Variants in TNS3 observed in about 807,000 individuals in gnomAD.
The protein encoded by TNS3 is tensin 3, also known as tensin-3.
Under a neutral mutation model 140.9 loss-of-function variants are expected in TNS3, and 45 were observed. The ratio of observed to expected loss-of-function variants is 0.32; its 90% CI spans 0.25 to 0.41. The LOEUF is 0.41. TNS3 is among the 10% of genes least tolerant of loss of function. The pLI is 1.00. For missense variants in TNS3, 1,716 were observed against 1,906.7 expected, an observed-to-expected ratio of 0.90 and a Z score of 1.86; for synonymous variants, 815 against 788.4, an observed-to-expected ratio of 1.03 and a Z score of -0.56.
intron 20 of TNS3, among the ~76,000 whole-genome samples, chr7:47,340,684 T>C (rs563144856): frequency 2.6e-5 from 4 of 151,822 alleles, no homozygotes; most frequent in African/African-American, 7.2e-5. Context: ...TCCCTGGGAT[T>C]TTCTGTTTGG....
At chr7:47,445,803 C>T (rs532794827) in intron 4 of TNS3, among the ~76,000 whole-genome samples, 3 of 152,302 alleles carry the variant, frequency 2.0e-5, no homozygotes, top group African/African-American at 4.8e-5. Context: ...CTGGAACTGC[C>T]GCCAAGAGTT....
At chr7:47,292,547 G>C (rs1273539846) in intron 26 of TNS3, among the ~76,000 whole-genome samples, 1 of 152,186 alleles carries the variant, frequency 6.6e-6, no homozygotes, top group East Asian at 1.9e-4. Flanking sequence ...TTCTTTGTCT[G>C]AGGGTTTTAT....
At position 47,366,622 on chromosome 7, in the gene TNS3, AGACCTGAGTCGG is replaced by A. The variant is rs368580099; in HGVS notation, c.2281+1731_2281+1742del. 9.5e-4 allele frequency among the ~76,000 whole-genome samples: 145 copies of A among 152,174 alleles called. No homozygotes were observed. The East Asian group carries it at 0.021, about 22-fold the overall frequency. On this transcript the variant is annotated intron_variant, in intron 17 of 30. Coordinates refer to ENST00000311160, the MANE Select transcript of TNS3 (RefSeq NM_022748.12). ...TGTGCTCCTTCGCCCAGGCCACCCC[AGACCTGAGTCGG>A]GACTGCAGTCCTCACCTGTGTGACT... is the stretch of plus-strand genomic sequence containing the variant.
intron 20 of TNS3, among the ~76,000 whole-genome samples, chr7:47,330,886 C>T (rs1348159673): frequency 6.6e-6 from 1 of 152,188 alleles, no homozygotes; most frequent in Non-Finnish European, 1.5e-5. Context: ...CACCAGCCCG[C>T]ACTGCCTGTC....
chr7:47,389,092 G>GAAGCA (rs1562675398), intron 16 of TNS3, among the ~76,000 whole-genome samples: 1 of 55,432 alleles, frequency 1.8e-5, no homozygotes, highest in African/African-American at 1.2e-4. Flanking sequence ...AAGAGGAAGA[G>GAAGCA]GAAGAGGAAG....
chr7:47,444,559 C>T (rs1020179600), intron 4 of TNS3, among the ~76,000 whole-genome samples: 2 of 152,176 alleles, frequency 1.3e-5, no homozygotes, highest in Non-Finnish European at 2.9e-5. Context: ...CAGGCGGGGC[C>T]CTGACGGCAG....
intron 17 of TNS3, among the ~76,000 whole-genome samples, chr7:47,366,103 C>T (rs1185925237): frequency 6.6e-6 from 1 of 152,190 alleles, no homozygotes; most frequent in Non-Finnish European, 1.5e-5. Flanking sequence ...TTCCAAGTAA[C>T]TTCTTTTAAG....
intron 1 of TNS3, among the ~76,000 whole-genome samples, chr7:47,533,710 T>C (rs912675110): frequency 2.0e-5 from 3 of 152,084 alleles, no homozygotes; most frequent in Admixed American, 2.0e-4. Context: ...GGTAACTGAA[T>C]CATGGCGGCA....
intron 3 of TNS3, among the ~76,000 whole-genome samples, chr7:47,487,061 G>A (rs921784702): frequency 5.3e-5 from 8 of 152,168 alleles, no homozygotes; most frequent in Admixed American, 1.3e-4. Context: ...CACTTTGGGA[G>A]GCCCAGATGG....
chr7:47,382,947 G>A (rs1040098187), intron 16 of TNS3, among the ~76,000 whole-genome samples: 10 of 152,178 alleles, frequency 6.6e-5, no homozygotes, highest in Non-Finnish European at 1.5e-4. Context: ...CGGGACAGGA[G>A]GTTGGCAGTA....
chr7:47,303,731 T>C (rs1374955761), intron 21 of TNS3, 147 bp from the exon 22 acceptor site: 1 of 938,444 alleles, frequency 1.1e-6, no homozygotes, highest in Non-Finnish European at 1.5e-6. Flanking sequence ...TTCCAAAATA[T>C]GTACACTAAG....
chr7:47,415,388 C>G (rs1006527394), intron 10 of TNS3, among the ~76,000 whole-genome samples, 182 bp from the exon 11 acceptor site: 5 of 152,196 alleles, frequency 3.3e-5, no homozygotes, highest in African/African-American at 1.2e-4. Flanking sequence ...TTCCCACCAG[C>G]GCACCAGGCA....
chr7:47,278,369 G>A (rs980385566), intron 30 of TNS3, 149 bp from the exon 31 acceptor site: 5 of 828,076 alleles, frequency 6.0e-6, no homozygotes, highest in Non-Finnish European at 7.3e-6. Context: ...CTGGCCACCT[G>A]TTCATGCACT....
At chr7:47,288,142 TAGGGCTGAATGGGC>T (rs1176865391) in intron 27 of TNS3, among the ~76,000 whole-genome samples, 2 of 152,158 alleles carry the variant, frequency 1.3e-5, no homozygotes, top group Non-Finnish European at 2.9e-5. Context: ...TGCTACCATA[TAGGGCTGAATGGGC>T]AGGGCTGTGT....
intron 15 of TNS3, among the ~76,000 whole-genome samples, chr7:47,399,075 C>A: frequency 2.4e-5 from 2 of 84,538 alleles, no homozygotes; most frequent in African/African-American, 7.6e-5. Flanking sequence ...CTTTTTACGA[C>A]AGCTGAAAAA....
At chr7:47,465,004 A>G (rs1796645438) in intron 4 of TNS3, among the ~76,000 whole-genome samples, 1 of 152,248 alleles carries the variant, frequency 6.6e-6, no homozygotes, top group Admixed American at 6.5e-5. Flanking sequence ...ATTTCCTTCC[A>G]TGCACAAAAC....
At chr7:47,526,183 G>T (rs1799185521) in intron 2 of TNS3, among the ~76,000 whole-genome samples, 1 of 152,206 alleles carries the variant, frequency 6.6e-6, no homozygotes, top group South Asian at 2.1e-4. Flanking sequence ...TATTAAAAAG[G>T]ATGTCTGAGA....
chr7:47,390,923 C>T (rs539846814), intron 16 of TNS3, among the ~76,000 whole-genome samples: 16 of 152,292 alleles, frequency 1.1e-4, no homozygotes, highest in South Asian at 2.1e-4. Flanking sequence ...TCCCAGAGGG[C>T]GTCCTCCAGC....
At chr7:47,322,327 G>A (rs566348769) in intron 20 of TNS3, among the ~76,000 whole-genome samples, 133 of 151,186 alleles carry the variant, frequency 8.8e-4, no homozygotes, top group African/African-American at 3.0e-3. Context: ...TTCAAGACCA[G>A]CCTGACCAAC....
Sources: gnomAD v4.1 joint callset for allele counts (sites outside exome capture counted in the v4.1 genomes callset) on GRCh38, gnomAD v4.1.1 for gene constraint, MANE v1.5 for transcripts, NCBI Gene and HGNC (gene_info 2026-07-23, HGNC 2026-07-21) for gene names.